MAML3: variants seen among roughly 807,000 people sequenced by gnomAD.
MAML3 encodes mastermind-like protein 3.
MAML3 carries 27 observed loss-of-function variants against 101.9 expected under a neutral mutation model. That is an observed-to-expected ratio of 0.27 (90% confidence interval 0.20 to 0.37). The LOEUF is 0.37. MAML3 is among the 10% of genes least tolerant of loss of function. The pLI, the probability that MAML3 is intolerant of heterozygous loss-of-function variation, is 1.00. For synonymous variants in MAML3, 501 were observed against 555.9 expected, an observed-to-expected ratio of 0.90 and a Z score of 1.39; for missense variants, 1,316 against 1,444.9, an observed-to-expected ratio of 0.91 and a Z score of 1.45.
At chr4:139,803,970 T>G (rs1730660013) in intron 2 of MAML3, among the ~76,000 whole-genome samples, 1 of 152,148 alleles carries the variant, frequency 6.6e-6, no homozygotes, top group Non-Finnish European at 1.5e-5. Flanking sequence ...GATGCAGGGA[T>G]CTGATATGAT....
rs202144994 is a variant in MAML3 at position 139,890,337 on chromosome 4, C to G, written c.1099G>C (p.Ala367Pro). ...TGGGGAGATCCCATGGAGACATGTGCGAAGGGAGAGTGAGAGGGGTCGCTC... is the reference window on the plus strand; with the variant it reads ...TGGGGAGATCCCATGGAGACATGTGGGAAGGGAGAGTGAGAGGGGTCGCTC... ...VKSDPSHSPF[A>P]HVSMGSPQAR... The change falls in exon 2 of 5, where the codon GCA becomes CCA. Residue 367 changes from alanine to proline, a missense_variant. By Grantham distance (27) the Ala-to-Pro change is conservative (BLOSUM62 -1). Transcript: ENST00000509479. This position sits in a 1 kb window ranked among gnomAD's most constrained non-coding sequence, Gnocchi z 4.1. The G allele has an allele frequency of 1.9e-6, 3 of 1,608,276 alleles. No homozygotes were observed. Among genetic ancestry groups the G allele is most frequent in the Non-Finnish European group, 2.6e-6 (3 of 1,176,330 alleles).
intron 2 of MAML3, among the ~76,000 whole-genome samples, chr4:139,763,341 G>A (rs566170185): frequency 2.4e-4 from 36 of 152,304 alleles, no homozygotes; most frequent in African/African-American, 8.7e-4. Flanking sequence ...AGCTGAAGAG[G>A]AGTCTGGATT....
At chr4:140,033,230 C>T (rs1162758272) in intron 1 of MAML3, among the ~76,000 whole-genome samples, 4 of 152,194 alleles carry the variant, frequency 2.6e-5, no homozygotes, top group African/African-American at 7.2e-5. Context: ...CTTTTCCATG[C>T]CATTTATAAC....
intron 2 of MAML3, among the ~76,000 whole-genome samples, chr4:139,877,548 T>C (rs1732140357): frequency 6.6e-6 from 1 of 152,208 alleles, no homozygotes; most frequent in African/African-American, 2.4e-5. Flanking sequence ...GAACATATGA[T>C]AGTCTGTTAT....
intron 2 of MAML3, among the ~76,000 whole-genome samples, chr4:139,879,228 T>A (rs1031124703): frequency 6.6e-6 from 1 of 152,116 alleles, no homozygotes; most frequent in Non-Finnish European, 1.5e-5. Flanking sequence ...TTTCTCCATT[T>A]GAAAATGGTA....
rs1056596129 is a variant in MAML3, at chr4:139,785,480, A to C, written c.2080-54813T>G. 6.6e-6 allele frequency among the ~76,000 whole-genome samples: 1 copy of C among 152,048 alleles called. No individual in the cohort carries two copies. Among genetic ancestry groups the C allele is most frequent in the Admixed American group, 6.5e-5 (1 of 15,270 alleles). On this transcript the variant is annotated intron_variant, in intron 2 of 4. Coordinates refer to ENST00000509479, the MANE Select transcript of MAML3 (RefSeq NM_018717.5). The surrounding 1 kb of genome is among the most constrained non-coding windows in gnomAD (Gnocchi z 4.3). The stretch of plus-strand genomic sequence containing the variant: ...AATTGGGCAGTAAACACAGCTCTTT[A>C]TTTTTGTACGGAATGTGGTGATCCC...
intron 1 of MAML3, 26 bp downstream of exon 1, chr4:140,152,834 C>G (rs1729199345): frequency 6.3e-7 from 1 of 1,596,724 alleles, no homozygotes; most frequent in East Asian, 2.2e-5. Flanking sequence ...ACGCGCGCCG[C>G]AAGCCCGCTG....
chr4:139,900,904 A>T (rs1042345801), intron 1 of MAML3, among the ~76,000 whole-genome samples: 20 of 152,304 alleles, frequency 1.3e-4, no homozygotes, highest in South Asian at 8.3e-4. Context: ...TAACCCTCAC[A>T]ATAACTTAAA....
rs371242387 is a variant in MAML3 at position 139,890,314 on chromosome 4, G to A, written c.1122C>T (p.Pro374=). 4 of 1,613,000 alleles carry A rather than the reference G, an allele frequency of 2.5e-6. No individual in the cohort carries two copies. The highest frequency in any genetic ancestry group is 3.4e-6 in the Non-Finnish European group (4 of 1,179,394). The change falls in exon 2 of 5, where the codon CCC becomes CCT. Residue 374 remains proline, a synonymous_variant. Coordinates refer to ENST00000509479, the MANE Select transcript of MAML3 (RefSeq NM_018717.5). The surrounding 1 kb of genome is among the most constrained non-coding windows in gnomAD (Gnocchi z 4.1). The part of the protein sequence containing the change: ...SPFAHVSMGS[P]QARPSSSGPP... ...GACCAGAAGAAGAAGGCCTCGCCTG[G>A]GGAGATCCCATGGAGACATGTGCGA...
intron 2 of MAML3, among the ~76,000 whole-genome samples, chr4:139,839,774 C>A (rs1017150171): frequency 6.6e-6 from 1 of 152,048 alleles, no homozygotes; most frequent in South Asian, 2.1e-4. Context: ...GAGGCCTGTA[C>A]GCCATGACTG....
intron 1 of MAML3, among the ~76,000 whole-genome samples, chr4:140,110,025 C>T (rs554055595): frequency 2.8e-4 from 42 of 152,246 alleles, no homozygotes; most frequent in African/African-American, 8.2e-4. Context: ...AAGTGGAAAA[C>T]GGGGTGGGTG....
intron 1 of MAML3, among the ~76,000 whole-genome samples, chr4:140,050,117 C>G (rs1365398223): frequency 6.6e-6 from 1 of 152,076 alleles, no homozygotes; most frequent in East Asian, 1.9e-4. Context: ...TAACAGGGCT[C>G]ATTGCCAATA....
chr4:139,926,060 A>C (rs1733221009), intron 1 of MAML3, among the ~76,000 whole-genome samples: 1 of 152,196 alleles, frequency 6.6e-6, no homozygotes, highest in Non-Finnish European at 1.5e-5. Context: ...CCCTCAACAG[A>C]GGATTCAGAC....
chr4:139,765,831 AAAAT>A (rs1729845377), intron 2 of MAML3, among the ~76,000 whole-genome samples: 2 of 152,090 alleles, frequency 1.3e-5, no homozygotes, highest in South Asian at 4.2e-4. Flanking sequence ...AAAAATAAAA[AAAAT>A]AAATAAGCCA....
chr4:139,889,156 G>T, intron 2 of MAML3: 1 of 1,006,818 alleles, frequency 9.9e-7, no homozygotes, highest in African/African-American at 1.6e-5. Flanking sequence ...ATACACGAAA[G>T]TTTATCATGC....
At position 140,153,013 on chromosome 4, in the gene MAML3, C is replaced by G; in HGVS notation, c.315G>C (p.Leu105=). ...YQQAQVEQLE[L]ERRDTVSLYQ... The stretch of plus-strand genomic sequence containing the variant: ...AGAGGCTCACGGTGTCCCGGCGCTC[C>G]AGCTCCAGCTGCTCCACCTGAGCCT... Residue 105 remains leucine, a synonymous_variant, in exon 1 of 5, where the codon CTG becomes CTC. Coordinates refer to ENST00000509479, the MANE Select transcript of MAML3 (RefSeq NM_018717.5). The G allele has an allele frequency of 1.2e-6, 2 of 1,603,156 alleles. No homozygotes were observed. The highest frequency in any genetic ancestry group is 1.7e-5 in the Admixed American group (1 of 58,442).
intron 2 of MAML3, among the ~76,000 whole-genome samples, chr4:139,793,327 A>G (rs1730452592): frequency 6.6e-6 from 1 of 152,162 alleles, no homozygotes; most frequent in Non-Finnish European, 1.5e-5. Context: ...GCTAGTATGC[A>G]CTTTCTCCCT....
intron 2 of MAML3, among the ~76,000 whole-genome samples, chr4:139,871,845 TA>T (rs1732012475): frequency 6.6e-6 from 1 of 152,248 alleles, no homozygotes; most frequent in African/African-American, 2.4e-5. Flanking sequence ...CCTAGGACAC[TA>T]ATACAATTAT....
At chr4:139,775,760 G>A (rs554641203) in intron 2 of MAML3, among the ~76,000 whole-genome samples, 1 of 152,234 alleles carries the variant, frequency 6.6e-6, no homozygotes, top group South Asian at 2.1e-4. Context: ...GCTATCATCT[G>A]CTGACAGGGT....
Sources: gnomAD v4.1 joint callset for allele counts (sites outside exome capture counted in the v4.1 genomes callset) on GRCh38, gnomAD v4.1.1 for gene constraint, Gnocchi (gnomAD v3.1) non-coding constraint, MANE v1.5 for transcripts, NCBI Gene and HGNC (gene_info 2026-07-23, HGNC 2026-07-21) for gene names.